Variants in SIMC1 observed in about 807,000 individuals in gnomAD.
The protein encoded by SIMC1 is SUMO interacting motifs containing 1.
Under a neutral mutation model 82.3 loss-of-function variants are expected in SIMC1, and 55 were observed. The ratio of observed to expected loss-of-function variants is 0.67; its 90% CI spans 0.54 to 0.84. SIMC1 has a LOEUF of 0.84. Among genes scored for constraint, SIMC1 ranks in the 40% least tolerant of loss-of-function variants. The pLI is 0.00. For missense variants in SIMC1, 915 were observed against 1,107.2 expected, an observed-to-expected ratio of 0.83 and a Z score of 2.46; for synonymous variants, 353 against 426.3, an observed-to-expected ratio of 0.83 and a Z score of 2.12.
chr5:176,259,538 T>G (rs1431851047), intron 1 of SIMC1, among the ~76,000 whole-genome samples: 1 of 152,236 alleles, frequency 6.6e-6, no homozygotes, highest in African/African-American at 2.4e-5. Context: ...TTTGGGAGGC[T>G]GAGGCAGGTG....
intron 1 of SIMC1, among the ~76,000 whole-genome samples, chr5:176,284,615 C>G (rs1763181520): frequency 6.6e-6 from 1 of 152,140 alleles, no homozygotes; most frequent in Non-Finnish European, 1.5e-5. Context: ...ATTAAAAGAA[C>G]TACAGAAGCA....
chr5:176,318,267 C>T (rs903630906), intron 5 of SIMC1, among the ~76,000 whole-genome samples: 3 of 152,132 alleles, frequency 2.0e-5, no homozygotes, highest in Non-Finnish European at 4.4e-5. Flanking sequence ...AAGGGAGAAG[C>T]CTCTGGTCCT....
intron 4 of SIMC1, among the ~76,000 whole-genome samples, chr5:176,311,375 C>T (rs1030550290): frequency 2.6e-5 from 4 of 152,054 alleles, no homozygotes; most frequent in African/African-American, 4.8e-5. Flanking sequence ...GTAGCTAGGA[C>T]TACAGGCACA....
At chr5:176,315,572 G>A (rs143277048) in intron 5 of SIMC1, among the ~76,000 whole-genome samples, 113 of 152,258 alleles carry the variant, frequency 7.4e-4, no homozygotes, top group Non-Finnish European at 1.4e-3. Flanking sequence ...GTGTACCAGC[G>A]TCTCTTTGTT....
At chr5:176,329,066 A>T (rs1765513792) in intron 7 of SIMC1, among the ~76,000 whole-genome samples, 1 of 152,228 alleles carries the variant, frequency 6.6e-6, no homozygotes, top group African/African-American at 2.4e-5. Context: ...TTACATTGGT[A>T]CAATCCCAGA....
At chr5:176,302,264 A>G (rs1472415626) in intron 4 of SIMC1, among the ~76,000 whole-genome samples, 1 of 152,228 alleles carries the variant, frequency 6.6e-6, no homozygotes, top group Admixed American at 6.5e-5. Context: ...TGGATGGTTT[A>G]ACATATGAAA....
At chr5:176,268,061 C>T (rs2113165972) in intron 1 of SIMC1, among the ~76,000 whole-genome samples, 1 of 148,690 alleles carries the variant, frequency 6.7e-6, no homozygotes, top group Middle Eastern at 3.5e-3. Context: ...AGAAGTAATT[C>T]AATACATTTT....
In SIMC1 at chr5:176,336,913, C is replaced by T. The variant is rs752216218; in HGVS notation, c.2328+37C>T. On this transcript the variant is annotated intron_variant, in intron 8 of 9. Coordinates refer to ENST00000429602, the MANE Select transcript of SIMC1 (RefSeq NM_001308195.2). Reference sequence around the variant, plus strand: ...CCTGCCCAATTTCAGGCCTAGAGCACCTCTCTTTGCTCTAGGCCCGAACCC... The same window carrying T: ...CCTGCCCAATTTCAGGCCTAGAGCATCTCTCTTTGCTCTAGGCCCGAACCC... 3.5e-5 allele frequency: 56 copies of T among 1,611,746 alleles called. No individual in the cohort carries two copies. The Middle Eastern group carries it at 8.2e-4, about 24-fold the overall frequency.
At chr5:176,246,451 GT>G (rs1329478917) in intron 1 of SIMC1, among the ~76,000 whole-genome samples, 1 of 128,168 alleles carries the variant, frequency 7.8e-6, no homozygotes, top group South Asian at 2.4e-4. Flanking sequence ...TGTGTGTGTT[GT>G]TTGTTTGTTT....
intron 9 of SIMC1, among the ~76,000 whole-genome samples, chr5:176,344,618 G>A (rs539116519): frequency 1.3e-5 from 2 of 152,286 alleles, no homozygotes; most frequent in East Asian, 1.9e-4. Flanking sequence ...CACAATCGTG[G>A]CTCAAGGGGA....
At chr5:176,337,207 C>T (rs1765940351) in intron 9 of SIMC1, 61 bp downstream of exon 9, 1 of 1,285,178 alleles carries the variant, frequency 7.8e-7, no homozygotes. Flanking sequence ...TTGTATTAGT[C>T]ATAACTACAC....
intron 1 of SIMC1, among the ~76,000 whole-genome samples, chr5:176,289,223 T>C (rs1763435766): frequency 6.6e-6 from 1 of 152,198 alleles, no homozygotes; most frequent in Non-Finnish European, 1.5e-5. Flanking sequence ...ATCAGGTCAT[T>C]GTGAAAATTA....
In SIMC1 at chr5:176,345,435, G is replaced by A. The variant is rs747450688; in HGVS notation, c.2666G>A (p.Ser889Asn). The change falls in exon 10 of 10, where the codon AGC becomes AAC. Residue 889 changes from serine (S) to asparagine (N), a missense_variant. Physicochemically the swap from Ser to Asn is conservative, Grantham distance 46 (BLOSUM62 1). Coordinates refer to ENST00000429602, the MANE Select transcript of SIMC1 (RefSeq NM_001308195.2). ...GCAGAGCCCTTTCAAAAGGGCTGGA[G>A]CGGCTCCTGAGGGCCTGCCAAGCAC... is the stretch of plus-strand genomic sequence containing the variant. ...PDAEPFQKGWSGS is the reference protein window; with the variant it reads ...PDAEPFQKGWNGS 6.2e-7 allele frequency: 1 copy of A among 1,612,948 alleles called. No individual in the cohort carries two copies. The highest frequency in any genetic ancestry group is 8.5e-7 in the Non-Finnish European group (1 of 1,179,360).
chr5:176,243,025 A>T (rs1260701784), intron 1 of SIMC1, among the ~76,000 whole-genome samples: 1 of 152,026 alleles, frequency 6.6e-6, no homozygotes, highest in Non-Finnish European at 1.5e-5. Context: ...ATTATGATTC[A>T]TTTATTCAAT....
chr5:176,313,786 C>T lies in SIMC1; in HGVS notation c.1830C>T (p.His610=). The change falls in exon 5 of 10, where the codon CAC becomes CAT. Residue 610 remains histidine (H), a synonymous_variant. Coordinates refer to ENST00000429602, the MANE Select transcript of SIMC1 (RefSeq NM_001308195.2). ...AGACCCTGAGGAGGCAACGGCAGCA[C>T]CTGCAGCAATCCATTGCAAACATGG... The part of the protein sequence containing the change: ...FQQTLRRQRQ[H]LQQSIANMVL... 1.9e-6 allele frequency: 3 copies of T among 1,613,954 alleles called. No homozygotes were observed. The highest frequency in any genetic ancestry group is 1.7e-4 in the Middle Eastern group (1 of 6,036).
At chr5:176,302,471 A>G (rs1394920756) in intron 4 of SIMC1, among the ~76,000 whole-genome samples, 3 of 152,246 alleles carry the variant, frequency 2.0e-5, no homozygotes, top group Non-Finnish European at 4.4e-5. Context: ...TGAATGGTGA[A>G]AAACTGAAAG....
chr5:176,273,198 C>T (rs570953278), intron 1 of SIMC1, among the ~76,000 whole-genome samples: 2 of 152,344 alleles, frequency 1.3e-5, no homozygotes, highest in Non-Finnish European at 2.9e-5. Flanking sequence ...GGCTGACTGA[C>T]ACCTCATACA....
At chr5:176,288,423 G>GAATGAATAAATA (rs1554109230) in intron 1 of SIMC1, among the ~76,000 whole-genome samples, 1,958 of 126,720 alleles carry the variant, frequency 0.015, 25 homozygotes, top group East Asian at 0.054. Context: ...ATGAATGAAT[G>GAATGAATAAATA]AATAAATAAA....
intron 1 of SIMC1, among the ~76,000 whole-genome samples, chr5:176,252,650 T>C (rs1220899735): frequency 1.4e-5 from 2 of 142,352 alleles, no homozygotes; most frequent in East Asian, 2.1e-4. Context: ...CTCCTCACTT[T>C]CCAGACTGGG....
Sources: gnomAD v4.1 joint callset for allele counts (sites outside exome capture counted in the v4.1 genomes callset) on GRCh38, gnomAD v4.1.1 for gene constraint, MANE v1.5 for transcripts, NCBI Gene and HGNC (gene_info 2026-07-23, HGNC 2026-07-21) for gene names.